PLCZ1: variants seen among roughly 807,000 people sequenced by gnomAD.
The protein encoded by PLCZ1 is 1-phosphatidylinositol 4,5-bisphosphate phosphodiesterase zeta-1.
A neutral mutation model predicts 76.8 loss-of-function variants in PLCZ1; 64 were observed. That is an observed-to-expected ratio of 0.83 (90% CI 0.68 to 1.03). The LOEUF (loss-of-function observed/expected upper bound fraction) is 1.03, where lower values mean the gene tolerates loss of function less well. Ranked by LOEUF, PLCZ1 falls within the 50% of genes least tolerant of loss-of-function variation. PLCZ1 has a pLI of 0.00. For missense variants in PLCZ1, 751 were observed against 713.7 expected (o/e 1.05, Z -0.60); for synonymous variants, 248 against 230.8 (o/e 1.07, Z -0.68).
the PLCZ1 span, among the ~76,000 whole-genome samples, chr12:18,655,278 A>C: frequency 2.0e-5 from 3 of 152,190 alleles, no homozygotes; most frequent in African/African-American, 7.2e-5. Flanking sequence ...AAGGAAAAAA[A>C]TATTCCCAAA....
At position 18,692,938 on chromosome 12, in the gene PLCZ1, C is replaced by T. The variant is rs552079964; in HGVS notation, c.1461+1972G>A. ...GCCAGCAAACTGCCACTGGTGACAC[C>T]TCACACTCAGTGCCAGTTAAAATTA... On this transcript the variant is annotated intron_variant, in intron 12 of 14. Coordinates refer to ENST00000266505, the MANE Select transcript of PLCZ1 (RefSeq NM_033123.4). The T allele has an allele frequency of 1.6e-3, 2,447 of 1,534,474 alleles. 6 individuals carry two copies. Among genetic ancestry groups the T allele is most frequent in the Non-Finnish European group, 2.0e-3 (2,167 of 1,110,308 alleles).
At chr12:18,681,682 G>T (rs533842669), downstream of PLCZ1, among the ~76,000 whole-genome samples, 1 of 151,934 alleles carries the variant, frequency 6.6e-6, no homozygotes, top group African/African-American at 2.4e-5. Context: ...AATATTTCTC[G>T]CAAAGTCCGT....
At chr12:18,666,223 G>A in the PLCZ1 span, among the ~76,000 whole-genome samples, 1 of 151,558 alleles carries the variant, frequency 6.6e-6, no homozygotes, top group South Asian at 2.1e-4. Flanking sequence ...AGAGAAAATT[G>A]GCAAAAGTAA....
rs924932115 is a variant in PLCZ1, at chr12:18,683,572, C to T, written c.1742-248G>A. ...TCCTTCCGCAAAGCGCTGCATGATC[C>T]AAAATTAGCCACCACCCTTCTGCTT... On this transcript the variant is annotated intron_variant, in intron 14 of 14. Coordinates refer to ENST00000266505, the MANE Select transcript of PLCZ1 (RefSeq NM_033123.4). 4 of 1,469,860 alleles carry T rather than the reference C, an allele frequency of 2.7e-6. No homozygotes were observed. The Admixed American group carries it at 6.1e-5, about 22-fold the overall frequency. The allele number at this position is 1,469,860 out of a possible 1,614,324, so 91.1% of individuals were successfully genotyped here.
the PLCZ1 span, among the ~76,000 whole-genome samples, chr12:18,667,915 G>C: frequency 6.6e-6 from 1 of 152,220 alleles, no homozygotes; most frequent in South Asian, 2.1e-4. Flanking sequence ...AACAGAACAA[G>C]GTGGAGAGTG....
chr12:18,721,632 G>C (rs529743109), intron 4 of PLCZ1, among the ~76,000 whole-genome samples: 2 of 151,662 alleles, frequency 1.3e-5, no homozygotes, highest in Middle Eastern at 3.4e-3. Flanking sequence ...CTGTAAACTG[G>C]TTGTTTCCAG....
chr12:18,713,892 T>G (rs1388491235), intron 5 of PLCZ1: 1 of 152,240 alleles, frequency 6.6e-6, no homozygotes. Context: ...AAATCAGTTG[T>G]ACCCACTGTG....
intron 13 of PLCZ1, 41 bp from the exon 14 acceptor site, chr12:18,684,320 C>T (rs1268184622): frequency 6.5e-7 from 1 of 1,539,220 alleles, no homozygotes. Flanking sequence ...TAATAGATAC[C>T]ATATCTAGGA....
In PLCZ1 at chr12:18,693,469, T is replaced by C; in HGVS notation, c.1461+1441A>G. 4.4e-6 allele frequency: 7 copies of C among 1,606,798 alleles called. No individual in the cohort carries two copies. The South Asian group carries it at 6.6e-5, about 15-fold the overall frequency. Reference sequence around the variant, plus strand: ...TTCTCTGTGGTCCACCTGGCACAGGTAAAACCTTGTTAGCCAAAGCAGTAG... The same window carrying C: ...TTCTCTGTGGTCCACCTGGCACAGGCAAAACCTTGTTAGCCAAAGCAGTAG... On this transcript the variant is annotated intron_variant, in intron 12 of 14. Coordinates refer to ENST00000266505, the MANE Select transcript of PLCZ1 (RefSeq NM_033123.4).
the PLCZ1 span, among the ~76,000 whole-genome samples, chr12:18,661,232 T>C: frequency 6.6e-5 from 10 of 152,078 alleles, no homozygotes; most frequent in African/African-American, 1.9e-4. Flanking sequence ...AAGGGATTAT[T>C]TGAAGAAATA....
the PLCZ1 span, among the ~76,000 whole-genome samples, chr12:18,664,316 T>C: frequency 6.6e-6 from 1 of 152,188 alleles, no homozygotes; most frequent in Non-Finnish European, 1.5e-5. Context: ...AAAATATATT[T>C]GTACATCCAT....
chr12:18,671,902 A>T, the PLCZ1 span, among the ~76,000 whole-genome samples: 2 of 152,120 alleles, frequency 1.3e-5, no homozygotes, highest in African/African-American at 2.4e-5. Flanking sequence ...CATCTCCCAT[A>T]TATAGCACCT....
At chr12:18,670,408 AG>A in the PLCZ1 span, among the ~76,000 whole-genome samples, 9 of 152,262 alleles carry the variant, frequency 5.9e-5, no homozygotes, top group South Asian at 1.9e-3. Flanking sequence ...TGTCTAGTTC[AG>A]CAACCTCCTT....
intron 5 of PLCZ1, 144 bp downstream of exon 5, chr12:18,719,287 T>G: frequency 1.6e-5 from 7 of 448,308 alleles, no homozygotes. Flanking sequence ...TCAAGATATG[T>G]ACAAGTAAAA....
chr12:18,664,342 G>T, the PLCZ1 span, among the ~76,000 whole-genome samples: 1 of 152,160 alleles, frequency 6.6e-6, no homozygotes, highest in Non-Finnish European at 1.5e-5. Context: ...TAGCAGCATT[G>T]TTCTCAATAG....
At chr12:18,659,366 T>C in the PLCZ1 span, among the ~76,000 whole-genome samples, 1 of 152,112 alleles carries the variant, frequency 6.6e-6, no homozygotes, top group African/African-American at 2.4e-5. Context: ...AACTGGAGGA[T>C]AAAGAACTCT....
chr12:18,683,078 C>A (rs1952580023), downstream of PLCZ1: 2 of 680,292 alleles, frequency 2.9e-6, no homozygotes, highest in Non-Finnish European at 5.0e-6. Context: ...TTCTTTTCTT[C>A]CACTGATTTA....
rs528251604 is a variant in PLCZ1, at chr12:18,702,333, G to A, written c.865-557C>T. ...TCTGTCCTTCAAACTTAGAAGCATA[G>A]CAAAATTTACCATCAGTGTCACTTG... On this transcript the variant is annotated intron_variant, in intron 7 of 14. Transcript: ENST00000266505. Among the ~76,000 whole-genome samples, 15 of 152,054 alleles carry A rather than the reference G, an allele frequency of 9.9e-5. No homozygotes were observed. In the South Asian group the frequency reaches 3.1e-3, roughly 32 times the overall value.
At chr12:18,690,781 A>T (rs1256889800) in intron 12 of PLCZ1, among the ~76,000 whole-genome samples, 1 of 152,098 alleles carries the variant, frequency 6.6e-6, no homozygotes, top group African/African-American at 2.4e-5. Context: ...TAGTCACAGG[A>T]AGAGCCTACG....
Sources: allele counts gnomAD v4.1 joint callset (sites outside exome capture counted in the v4.1 genomes callset), GRCh38; gene constraint gnomAD v4.1.1; transcripts MANE v1.5; gene names NCBI Gene and HGNC (gene_info 2026-07-23, HGNC 2026-07-21).